Variants in CRISPLD2 observed in about 807,000 individuals in gnomAD.
CRISPLD2 encodes cysteine rich secretory protein LCCL domain containing 2.
Under a neutral mutation model 71.1 loss-of-function variants are expected in CRISPLD2, and 47 were observed. The ratio of observed to expected loss-of-function variants is 0.66; its 90% CI spans 0.52 to 0.84. The LOEUF is 0.84. Among genes scored for constraint, CRISPLD2 ranks in the 40% least tolerant of loss-of-function variants. The pLI is 0.00. For synonymous variants in CRISPLD2, 317 were observed against 250.1 expected, an observed-to-expected ratio of 1.27 and a Z score of -2.52; for missense variants, 830 against 651.1, an observed-to-expected ratio of 1.27 and a Z score of -2.99.
chr16:84,889,119 G>A, intron 13 of CRISPLD2, 111 bp from the exon 14 acceptor site: 1 of 1,359,964 alleles, frequency 7.4e-7, no homozygotes, highest in African/African-American at 1.4e-5. Context: ...GGGTTGATGG[G>A]GTCCACATCC....
At chr16:84,822,503 AG>A (rs1916253642) in intron 1 of CRISPLD2, among the ~76,000 whole-genome samples, 1 of 152,082 alleles carries the variant, frequency 6.6e-6, no homozygotes, top group Non-Finnish European at 1.5e-5. Flanking sequence ...TGTGTGTGGG[AG>A]GTGTCTGCAT....
rs746726440 is a variant in CRISPLD2 at position 84,838,627 on chromosome 16, C to A, written c.132C>A (p.His44Gln). The change falls in exon 2 of 15, where the codon CAC (histidine) becomes CAA (glutamine). Residue 44 changes from histidine to glutamine, a missense_variant. By Grantham distance (24) the His-to-Gln change is conservative. Transcript: ENST00000262424. Reference protein sequence around the residue: ...LLSKYQHNESHSRVRRAIPRE... With the variant: ...LLSKYQHNESQSRVRRAIPRE... ...GCAAATACCAGCACAACGAGTCTCACTCCCGGGTCCGCAGAGCCATCCCCA... is the reference window on the plus strand; with the variant it reads ...GCAAATACCAGCACAACGAGTCTCAATCCCGGGTCCGCAGAGCCATCCCCA... The A allele has an allele frequency of 1.1e-5, 18 of 1,614,240 alleles. No homozygotes were observed. The highest frequency in any genetic ancestry group is 4.5e-5 in the East Asian group (2 of 44,884).
At chr16:84,867,176 A>C (rs1597467178) in intron 7 of CRISPLD2, 136 bp downstream of exon 7, 2 of 824,298 alleles carry the variant, frequency 2.4e-6, no homozygotes, top group Middle Eastern at 3.5e-4. Context: ...GGCGAAGCTC[A>C]TGGAGGCACA....
chr16:84,829,564 G>A (rs950703158), intron 1 of CRISPLD2, among the ~76,000 whole-genome samples: 9 of 152,086 alleles, frequency 5.9e-5, no homozygotes, highest in African/African-American at 1.9e-4. Flanking sequence ...AGAACACCCC[G>A]ACCCCCAGGC....
chr16:84,823,703 C>T (rs1916282500), intron 1 of CRISPLD2, among the ~76,000 whole-genome samples: 1 of 152,052 alleles, frequency 6.6e-6, no homozygotes, highest in Non-Finnish European at 1.5e-5. Context: ...TGGTCCAGCC[C>T]GAGGGAGATT....
rs2071828882 is a variant in CRISPLD2 at position 84,908,917 on chromosome 16, T to A, written c.*2275T>A. On this transcript the variant is annotated 3_prime_UTR_variant, in exon 15 of 15. Coordinates refer to ENST00000262424, the MANE Select transcript of CRISPLD2 (RefSeq NM_031476.4). ...TTGGCCAGGCTGGTCTCGAACTCCT[T>A]ACCTCAGGTGATCCACCCACCTTGG... The A allele has an allele frequency of 6.6e-6, 1 of 151,630 alleles. No individual in the cohort carries two copies. Among genetic ancestry groups the A allele is most frequent in the Non-Finnish European group, 1.5e-5 (1 of 67,932 alleles). The allele number at this position is 151,630 out of a possible 1,614,324, so 9.4% of individuals were successfully genotyped here. A position where few individuals can be genotyped will look rare whatever the true frequency, so the allele number is the denominator to read the frequency against.
intron 14 of CRISPLD2, among the ~76,000 whole-genome samples, chr16:84,901,494 CAG>C (rs1452690556): frequency 4.2e-5 from 6 of 142,818 alleles, no homozygotes; most frequent in Non-Finnish European, 9.0e-5. Context: ...TTTTTTGACG[CAG>C]AGTCTCCCTG....
At chr16:84,859,946 A>G (rs940105459) in intron 6 of CRISPLD2, among the ~76,000 whole-genome samples, 2 of 152,244 alleles carry the variant, frequency 1.3e-5, no homozygotes, top group African/African-American at 4.8e-5. Flanking sequence ...GAAAAAAGCA[A>G]TTACAAAGAT....
At chr16:84,855,118 C>T (rs950060624) in intron 6 of CRISPLD2, among the ~76,000 whole-genome samples, 2 of 152,074 alleles carry the variant, frequency 1.3e-5, no homozygotes, top group African/African-American at 4.8e-5. Context: ...AATGCAGACG[C>T]ACTGCTCACC....
chr16:84,901,669 G>A (rs2071755423), intron 14 of CRISPLD2, among the ~76,000 whole-genome samples: 1 of 150,180 alleles, frequency 6.7e-6, no homozygotes, highest in Non-Finnish European at 1.5e-5. Flanking sequence ...GTAGAGATGG[G>A]GTTTCACCAT....
At chr16:84,894,792 G>C (rs2934473) in intron 14 of CRISPLD2, among the ~76,000 whole-genome samples, 96,594 of 152,044 alleles carry the variant, frequency 0.64, 32,153 homozygotes, top group East Asian at 0.87. Flanking sequence ...TTCACCCTTA[G>C]GCACATCTCC....
chr16:84,827,558 C>CTTTTTTTTTTTTTT (rs571068599), intron 1 of CRISPLD2, among the ~76,000 whole-genome samples: 26 of 135,906 alleles, frequency 1.9e-4, no homozygotes, highest in African/African-American at 6.7e-4. Context: ...AGTGCCCTTT[C>CTTTTTTTTTTTTTT]TTTTTTTTTT....
intron 1 of CRISPLD2, among the ~76,000 whole-genome samples, chr16:84,823,191 C>A (rs1404524733): frequency 1.3e-5 from 2 of 152,218 alleles, no homozygotes; most frequent in African/African-American, 4.8e-5. Context: ...ATGAGACCTT[C>A]GTTCCTTTTT....
chr16:84,903,005 T>G lies in CRISPLD2; in HGVS notation c.1440-3583T>G, dbSNP rs559848377. On this transcript the variant is annotated intron_variant, in intron 14 of 14. Transcript: ENST00000262424. ...CTGGTCTCGAACTCCTGACTTCAAG[T>G]GATCTGCCCACCTCAGCCTCCCAAA... Among the ~76,000 whole-genome samples, 6 of 152,006 alleles carry G rather than the reference T, an allele frequency of 3.9e-5. No individual in the cohort carries two copies. The South Asian group carries it at 1.2e-3, about 32-fold the overall frequency.
intron 11 of CRISPLD2, 65 bp from the exon 12 acceptor site, chr16:84,877,373 A>T: frequency 6.8e-7 from 1 of 1,472,488 alleles, no homozygotes; most frequent in Non-Finnish European, 9.5e-7. Flanking sequence ...CCCATTGCAC[A>T]GCCTGGTAGC....
chr16:84,844,483 T>G (rs1916857327), intron 2 of CRISPLD2, among the ~76,000 whole-genome samples: 1 of 150,538 alleles, frequency 6.6e-6, no homozygotes, highest in Non-Finnish European at 1.5e-5. Context: ...TTTCTTTTCT[T>G]TCTTTTTTTT....
chr16:84,900,524 GA>G (rs2071743940), intron 14 of CRISPLD2, among the ~76,000 whole-genome samples: 1 of 149,272 alleles, frequency 6.7e-6, no homozygotes, highest in Non-Finnish European at 1.5e-5. Context: ...CCAAAAGCAA[GA>G]CATCACACAG....
chr16:84,889,133 C>G (rs548229492), intron 13 of CRISPLD2, 97 bp from the exon 14 acceptor site: 5 of 1,528,118 alleles, frequency 3.3e-6, no homozygotes, highest in Non-Finnish European at 3.6e-6. Context: ...CACATCCCAC[C>G]AGCCAGGTTG....
intron 14 of CRISPLD2, among the ~76,000 whole-genome samples, chr16:84,900,571 C>T (rs1361288961): frequency 1.3e-5 from 2 of 151,668 alleles, no homozygotes; most frequent in Non-Finnish European, 2.9e-5. Context: ...GGAGGCATCG[C>T]ACAGCCCCGT....
Sources: gnomAD v4.1 joint callset for allele counts (sites outside exome capture counted in the v4.1 genomes callset) on GRCh38, gnomAD v4.1.1 for gene constraint, MANE v1.5 for transcripts, NCBI Gene and HGNC (gene_info 2026-07-23, HGNC 2026-07-21) for gene names.